The following RELCH variants were observed in gnomAD, a reference collection of about 807,000 sequenced individuals.
The protein encoded by RELCH is RAB11 binding and LisH domain, coiled-coil and HEAT repeat containing.
In RELCH, 41 loss-of-function variants were observed where a neutral mutation model predicts 150.3. That is an observed-to-expected ratio of 0.27 (90% CI 0.21 to 0.35). The LOEUF is 0.35. Among genes scored for constraint, RELCH ranks in the 10% least tolerant of loss-of-function variants. The pLI, the probability that RELCH is intolerant of heterozygous loss-of-function variation, is 1.00. For synonymous variants in RELCH, 478 were observed against 531.8 expected, an observed-to-expected ratio of 0.90 and a Z score of 1.39; for missense variants, 1,092 against 1,467.8, an observed-to-expected ratio of 0.74 and a Z score of 4.18.
At position 62,221,496 on chromosome 18, in the gene RELCH, A is replaced by G; in HGVS notation, c.857A>G (p.Gln286Arg). The change falls in exon 5 of 29, where the codon CAG becomes CGG. Residue 286 changes from glutamine (Q) to arginine (R), a missense_variant and splice_region_variant. Gln to Arg is a conservative substitution (Grantham distance 43). This residue lies in a region of RELCH where 190 missense variants were observed against 276.2 expected (regional missense o/e 0.69). Transcript: ENST00000644646. Reference sequence around the variant, plus strand: ...ACCTTTTCAGATGAAAACGATGATCAGGTAAAGTTACTTTTTGTTTTTACA... The same window carrying G: ...ACCTTTTCAGATGAAAACGATGATCGGGTAAAGTTACTTTTTGTTTTTACA... ...SITFSDENDD[Q>R]DFELWDDVGL... The G allele has an allele frequency of 1.4e-5, 19 of 1,388,084 alleles. No homozygotes were observed. The highest frequency in any genetic ancestry group is 1.8e-5 in the Non-Finnish European group (18 of 1,013,996). 86.0% of individuals were successfully genotyped at this position (1,388,084 alleles called of 1,614,324 possible).
chr18:62,193,970 G>A (rs2038839839), intron 1 of RELCH, among the ~76,000 whole-genome samples: 1 of 151,968 alleles, frequency 6.6e-6, no homozygotes, highest in Admixed American at 6.6e-5. Flanking sequence ...CTCAGACCAG[G>A]CGTAGTGGCT....
intron 2 of RELCH, among the ~76,000 whole-genome samples, chr18:62,212,222 TA>T (rs2040217642): frequency 6.6e-6 from 1 of 152,212 alleles, no homozygotes. Flanking sequence ...TCCTTGAGTG[TA>T]AATATCTGCT....
At chr18:62,233,509 T>C (rs1813943916) in intron 10 of RELCH, among the ~76,000 whole-genome samples, 1 of 151,980 alleles carries the variant, frequency 6.6e-6, no homozygotes, top group African/African-American at 2.4e-5. Context: ...GTATTTTTAA[T>C]AAAAACAATT....
chr18:62,279,647 T>G, intron 22 of RELCH, 127 bp from the exon 23 acceptor site: 1 of 611,286 alleles, frequency 1.6e-6, no homozygotes, highest in South Asian at 2.1e-5. Context: ...TTTGCTTAGC[T>G]TCTAATTTTG....
At chr18:62,304,239 G>T (rs538797788) in intron 28 of RELCH, among the ~76,000 whole-genome samples, 1 of 152,314 alleles carries the variant, frequency 6.6e-6, no homozygotes, top group South Asian at 2.1e-4. Flanking sequence ...TTTTATAATT[G>T]AAGAATCAAG....
At chr18:62,280,605 C>A in intron 23 of RELCH, 41 bp from the exon 24 acceptor site, 1 of 1,475,666 alleles carries the variant, frequency 6.8e-7, no homozygotes, top group South Asian at 1.1e-5. Context: ...ACTCGTTGTT[C>A]ATCTCAAATC....
chr18:62,191,155 T>C (rs2038605175), intron 1 of RELCH, among the ~76,000 whole-genome samples: 1 of 152,188 alleles, frequency 6.6e-6, no homozygotes, highest in East Asian at 1.9e-4. Flanking sequence ...AAGCTCCCAT[T>C]TACGTCTTTA....
chr18:62,288,923 T>C (rs913210784), intron 26 of RELCH, among the ~76,000 whole-genome samples: 1 of 152,150 alleles, frequency 6.6e-6, no homozygotes, highest in African/African-American at 2.4e-5. Flanking sequence ...ATTGGTGTGT[T>C]TAATTGGACT....
rs540824025 is a variant in RELCH, at chr18:62,308,689, C to T, written c.*3155C>T. 4 of 152,174 alleles carry T rather than the reference C, an allele frequency of 2.6e-5. No individual in the cohort carries two copies. The East Asian group carries it at 7.7e-4, about 29-fold the overall frequency. The allele number at this position is 152,174 out of a possible 1,614,324, so 9.4% of individuals were successfully genotyped here. A position where few individuals can be genotyped will look rare whatever the true frequency, so the allele number is the denominator to read the frequency against. ...CCGCTATTGCACCACTGCACTCCAG[C>T]CTGGTCCACAGAGCAAGACTCCATC... On this transcript the variant is annotated 3_prime_UTR_variant, in exon 29 of 29. Transcript: ENST00000644646.
chr18:62,290,708 T>G (rs1366242274), intron 26 of RELCH, among the ~76,000 whole-genome samples: 1 of 152,134 alleles, frequency 6.6e-6, no homozygotes, highest in East Asian at 1.9e-4. Context: ...GTCAAGATAA[T>G]CAACTAAAAC....
At chr18:62,241,494 C>G (rs1296089487) in intron 10 of RELCH, among the ~76,000 whole-genome samples, 3 of 152,156 alleles carry the variant, frequency 2.0e-5, no homozygotes, top group African/African-American at 7.2e-5. Flanking sequence ...TAATATTACC[C>G]AAGCCATAGT....
chr18:62,241,031 G>A (rs913326520), intron 10 of RELCH, among the ~76,000 whole-genome samples: 4 of 152,030 alleles, frequency 2.6e-5, no homozygotes, highest in African/African-American at 9.7e-5. Flanking sequence ...CCTGTGCAAA[G>A]CTATCACCAG....
At chr18:62,286,735 T>C (rs573047257) in intron 25 of RELCH, among the ~76,000 whole-genome samples, 1 of 152,326 alleles carries the variant, frequency 6.6e-6, no homozygotes, top group South Asian at 2.1e-4. Flanking sequence ...TCATTGCTAC[T>C]GAATTGGTTT....
chr18:62,264,269 T>C, intron 17 of RELCH, 124 bp downstream of exon 17: 1 of 701,050 alleles, frequency 1.4e-6, no homozygotes, highest in Admixed American at 3.4e-5. Context: ...TAAACACCTT[T>C]AGGACACAGA....
intron 22 of RELCH, among the ~76,000 whole-genome samples, chr18:62,278,400 TG>T (rs2044329070): frequency 6.6e-6 from 1 of 152,190 alleles, no homozygotes; most frequent in Admixed American, 6.6e-5. Flanking sequence ...GTTAATTATC[TG>T]TTTTTTTATA....
At chr18:62,301,624 A>T (rs55707521) in intron 28 of RELCH, among the ~76,000 whole-genome samples, 1 of 152,080 alleles carries the variant, frequency 6.6e-6, no homozygotes, top group Non-Finnish European at 1.5e-5. Context: ...AGAGTTTTTG[A>T]TTCAGAAGAT....
intron 1 of RELCH, among the ~76,000 whole-genome samples, chr18:62,197,966 C>A (rs1395245806): frequency 6.6e-6 from 1 of 152,166 alleles, no homozygotes; most frequent in Non-Finnish European, 1.5e-5. Flanking sequence ...CTGTCTCTGC[C>A]ACTTACTAGC....
At chr18:62,300,537 T>C (rs2045618108) in intron 28 of RELCH, 1 of 152,242 alleles carries the variant, frequency 6.6e-6, no homozygotes, top group Admixed American at 6.5e-5. Context: ...TATCTGTATC[T>C]GTGAAGAGCT....
chr18:62,267,058 C>T (rs1322978362), intron 19 of RELCH, among the ~76,000 whole-genome samples: 3 of 151,828 alleles, frequency 2.0e-5, no homozygotes, highest in Non-Finnish European at 4.4e-5. Context: ...ATTCAAGAGA[C>T]TGACAATTAT....
Sources: gnomAD v4.1 joint callset for allele counts (sites outside exome capture counted in the v4.1 genomes callset) on GRCh38, gnomAD v4.1.1 for gene constraint, gnomAD v4.1.1 regional missense constraint, MANE v1.5 for transcripts, NCBI Gene and HGNC (gene_info 2026-07-23, HGNC 2026-07-21) for gene names.